Variants in MAPKAP1 observed in about 807,000 individuals in gnomAD.
MAPKAP1 encodes MAPK associated protein 1.
MAPKAP1 carries 20 observed loss-of-function variants against 65.7 expected under a neutral mutation model. That is an observed-to-expected ratio of 0.30 (90% confidence interval 0.21 to 0.44). MAPKAP1 has a LOEUF of 0.44. Ranked by LOEUF, MAPKAP1 falls within the 20% of genes least tolerant of loss-of-function variation. MAPKAP1 has a pLI of 1.00. For synonymous variants in MAPKAP1, 222 were observed against 244.3 expected, an observed-to-expected ratio of 0.91 and a Z score of 0.85; for missense variants, 423 against 648.0, an observed-to-expected ratio of 0.65 and a Z score of 3.77.
intron 10 of MAPKAP1, among the ~76,000 whole-genome samples, chr9:125,453,308 T>C (rs1853031184): frequency 6.6e-6 from 1 of 152,274 alleles, no homozygotes; most frequent in Non-Finnish European, 1.5e-5. Context: ...TCAGATGATC[T>C]ATCTGCCTCG....
At chr9:125,696,538 T>C (rs1364960998) in intron 1 of MAPKAP1, 3 of 151,976 alleles carry the variant, frequency 2.0e-5, no homozygotes, top group Admixed American at 6.6e-5. Flanking sequence ...TTAGGCCTTA[T>C]AAATGACCTT....
intron 4 of MAPKAP1, among the ~76,000 whole-genome samples, chr9:125,622,533 C>T (rs1832936803): frequency 6.6e-6 from 1 of 150,784 alleles, no homozygotes; most frequent in Non-Finnish European, 1.5e-5. Flanking sequence ...GCAACCTCTG[C>T]CCCCCGGATT....
chr9:125,458,916 A>T, intron 10 of MAPKAP1, among the ~76,000 whole-genome samples: 1 of 30,864 alleles, frequency 3.2e-5, no homozygotes, highest in East Asian at 1.2e-3. Flanking sequence ...CGGGGGGCTG[A>T]CCCCCCCACC....
intron 4 of MAPKAP1, among the ~76,000 whole-genome samples, chr9:125,608,572 T>G (rs934084011): frequency 6.6e-6 from 1 of 152,208 alleles, no homozygotes; most frequent in Non-Finnish European, 1.5e-5. Flanking sequence ...GTTGGGAAAG[T>G]GGAGACATCA....
chr9:125,662,791 T>A (rs1264866001), intron 3 of MAPKAP1, among the ~76,000 whole-genome samples: 3 of 151,946 alleles, frequency 2.0e-5, no homozygotes, highest in Non-Finnish European at 4.4e-5. Flanking sequence ...TAAATAATTT[T>A]AAATGATATA....
intron 6 of MAPKAP1, among the ~76,000 whole-genome samples, chr9:125,554,794 C>CAAAAAAA (rs56911891): frequency 3.0e-4 from 20 of 65,612 alleles, no homozygotes; most frequent in Admixed American, 8.1e-4. Flanking sequence ...AGACACTTAT[C>CAAAAAAA]AAAAAAAAAA....
chr9:125,540,107 A>C (rs1237065016), intron 7 of MAPKAP1, among the ~76,000 whole-genome samples: 2 of 152,242 alleles, frequency 1.3e-5, no homozygotes, highest in Non-Finnish European at 2.9e-5. Flanking sequence ...CTATCCTAAA[A>C]AGCAAAATGA....
chr9:125,585,667 G>A lies in MAPKAP1; in HGVS notation c.559C>T (p.Gln187Ter). The A allele has an allele frequency of 1.2e-6, 2 of 1,614,240 alleles. No individual in the cohort carries two copies. Among genetic ancestry groups the A allele is most frequent in the Non-Finnish European group, 1.7e-6 (2 of 1,180,044 alleles). Reference sequence around the variant, plus strand: ...ACGGTCATTGGCAGCAGTCTGTCCTGGCTCGAGTGCAGAGGGAGGTAGACA... The same window carrying A: ...ACGGTCATTGGCAGCAGTCTGTCCTAGCTCGAGTGCAGAGGGAGGTAGACA... Reference protein sequence around the residue: ...IDVYLPLHSSQDRLLPMTVVT... With the variant: ...IDVYLPLHSS Residue 187 changes from glutamine (Q) to a stop codon, truncating the protein, a stop_gained, in exon 5 of 12, where the codon CAG (glutamine) becomes TAG (stop). Transcript: ENST00000265960. LOFTEE classifies it high-confidence loss of function.
chr9:125,681,368 G>A (rs182193251), intron 1 of MAPKAP1, among the ~76,000 whole-genome samples: 1 of 152,330 alleles, frequency 6.6e-6, no homozygotes, highest in East Asian at 1.9e-4. Flanking sequence ...AGACTATGGG[G>A]AGAAAGAAGC....
At chr9:125,702,851 T>TC (rs1456906534) in intron 1 of MAPKAP1, among the ~76,000 whole-genome samples, 1 of 147,898 alleles carries the variant, frequency 6.8e-6, no homozygotes, top group East Asian at 2.0e-4. Context: ...AGACTTTGTC[T>TC]CAAAAAAAGA....
At chr9:125,596,569 C>T (rs765927605) in intron 4 of MAPKAP1, 8 of 688,650 alleles carry the variant, frequency 1.2e-5, no homozygotes, top group African/African-American at 1.7e-5. Flanking sequence ...ACCACAAAAC[C>T]GAGGTGGCTA....
At chr9:125,605,591 C>T (rs1332769104) in intron 4 of MAPKAP1, among the ~76,000 whole-genome samples, 2 of 152,206 alleles carry the variant, frequency 1.3e-5, no homozygotes, top group African/African-American at 4.8e-5. Flanking sequence ...TGGTACCGCA[C>T]GGCCGCATCT....
At chr9:125,493,214 T>C (rs1854800663) in intron 8 of MAPKAP1, among the ~76,000 whole-genome samples, 1 of 152,236 alleles carries the variant, frequency 6.6e-6, no homozygotes, top group Admixed American at 6.5e-5. Context: ...TGCTCCACTC[T>C]ATCTTGAAGT....
At chr9:125,494,442 C>T (rs189936820) in intron 8 of MAPKAP1, among the ~76,000 whole-genome samples, 1 of 152,320 alleles carries the variant, frequency 6.6e-6, no homozygotes, top group East Asian at 1.9e-4. Flanking sequence ...ATTGATTAAA[C>T]TCTTGGAGCC....
chr9:125,539,350 T>A (rs1830171807), intron 7 of MAPKAP1, among the ~76,000 whole-genome samples: 1 of 152,168 alleles, frequency 6.6e-6, no homozygotes. Flanking sequence ...ATACAGAAAA[T>A]CACCTCTATT....
chr9:125,620,294 C>CGAAAAAAAAAAT (rs1832859299), intron 4 of MAPKAP1, among the ~76,000 whole-genome samples: 1 of 150,908 alleles, frequency 6.6e-6, no homozygotes, highest in African/African-American at 2.4e-5. Context: ...GATGACAGAG[C>CGAAAAAAAAAAT]GAAAAAAAAA....
At chr9:125,451,523 A>C (rs901615861) in intron 10 of MAPKAP1, among the ~76,000 whole-genome samples, 6 of 152,108 alleles carry the variant, frequency 3.9e-5, no homozygotes, top group Non-Finnish European at 7.4e-5. Flanking sequence ...AGAGTTTCAG[A>C]GCTGAGCAGT....
At chr9:125,653,055 T>C (rs553361361) in intron 4 of MAPKAP1, among the ~76,000 whole-genome samples, 1 of 152,354 alleles carries the variant, frequency 6.6e-6, no homozygotes, top group East Asian at 1.9e-4. Flanking sequence ...GGGATATTTG[T>C]TGAGTGTTTC....
intron 1 of MAPKAP1, among the ~76,000 whole-genome samples, chr9:125,693,687 GTATATATACACGTATATATACACA>G (rs1835270155): frequency 1.6e-5 from 2 of 125,990 alleles, no homozygotes; most frequent in African/African-American, 3.3e-5. Context: ...ATATATACAC[GTATATATACACGTATATATACACA>G]TATATACACG....
Sources: gnomAD v4.1 joint callset for allele counts (sites outside exome capture counted in the v4.1 genomes callset) on GRCh38, gnomAD v4.1.1 for gene constraint, MANE v1.5 for transcripts, NCBI Gene and HGNC (gene_info 2026-07-23, HGNC 2026-07-21) for gene names.